PBX3: variants seen among roughly 807,000 people sequenced by gnomAD.
PBX3 encodes the protein PBX homeobox 3.
In PBX3, 14 loss-of-function variants were observed where a neutral mutation model predicts 48.5. The observed-to-expected ratio is 0.29, with a 90% CI of 0.19 to 0.45. The LOEUF (loss-of-function observed/expected upper bound fraction) is 0.45. Among genes scored for constraint, PBX3 ranks in the 20% least tolerant of loss-of-function variants. The pLI is 1.00. For synonymous variants in PBX3, 210 were observed against 200.3 expected (o/e 1.05, Z -0.41); for missense variants, 386 against 546.7 (o/e 0.71, Z 2.93).
chr9:125,948,502 T>C (rs1015879366), intron 5 of PBX3, among the ~76,000 whole-genome samples: 5 of 152,026 alleles, frequency 3.3e-5, no homozygotes. Flanking sequence ...ATATAACCCT[T>C]GGGTTAATGA....
intron 2 of PBX3, among the ~76,000 whole-genome samples, chr9:125,807,900 C>T (rs1838173976): frequency 6.6e-6 from 1 of 152,146 alleles, no homozygotes; most frequent in Non-Finnish European, 1.5e-5. Context: ...TAAATCAATA[C>T]ATTTTAACTC....
chr9:125,748,158 C>A, intron 1 of PBX3: 2 of 828,126 alleles, frequency 2.4e-6, no homozygotes, highest in Non-Finnish European at 2.9e-6. Context: ...GCAAACTTTG[C>A]CGAGCTGTCA....
chr9:125,964,526 T>A lies in PBX3; in HGVS notation c.1213-1305T>A, dbSNP rs527872388. Among the ~76,000 whole-genome samples, 129 of 151,652 alleles carry A rather than the reference T, an allele frequency of 8.5e-4. 5 individuals are homozygous for A. In the South Asian group the frequency reaches 0.026, roughly 30 times the overall value. On this transcript the variant is annotated intron_variant, in intron 8 of 8. Coordinates refer to ENST00000373489, the MANE Select transcript of PBX3 (RefSeq NM_006195.6). ...TACCACCATAGCTTTTTTTTTTTTT[T>A]AAATACTGTTTCCTTTTGTTTTTCC...
intron 4 of PBX3, among the ~76,000 whole-genome samples, chr9:125,930,754 T>C (rs1186610239): frequency 6.6e-6 from 1 of 152,222 alleles, no homozygotes; most frequent in Non-Finnish European, 1.5e-5. Flanking sequence ...GCTAGCACAG[T>C]ACCTACTAGT....
intron 5 of PBX3, among the ~76,000 whole-genome samples, chr9:125,951,458 G>A (rs1459425241): frequency 6.6e-6 from 1 of 152,140 alleles, no homozygotes; most frequent in Non-Finnish European, 1.5e-5. Context: ...GGATCAGCTT[G>A]CCCAGAACTT....
chr9:125,889,342 C>T (rs1461306329), intron 2 of PBX3, among the ~76,000 whole-genome samples: 2 of 152,250 alleles, frequency 1.3e-5, no homozygotes, highest in African/African-American at 2.4e-5. Context: ...AGCCACGGCT[C>T]GCTTGGCAGT....
intron 2 of PBX3, among the ~76,000 whole-genome samples, chr9:125,896,348 C>G (rs907299061): frequency 6.6e-5 from 10 of 151,962 alleles, no homozygotes; most frequent in African/African-American, 9.7e-5. Context: ...TTCAAAAAAA[C>G]TGCCATATTT....
intron 2 of PBX3, among the ~76,000 whole-genome samples, chr9:125,792,867 T>A (rs1038699352): frequency 9.9e-5 from 15 of 151,380 alleles, no homozygotes; most frequent in African/African-American, 3.4e-4. Context: ...CCCGGCTAAT[T>A]TTTGTATTTT....
chr9:125,895,761 C>T (rs545243197), intron 2 of PBX3, among the ~76,000 whole-genome samples: 36 of 152,018 alleles, frequency 2.4e-4, no homozygotes, highest in South Asian at 2.1e-4. Flanking sequence ...TAAGAAGGTA[C>T]GCAAATAATA....
intron 2 of PBX3, among the ~76,000 whole-genome samples, chr9:125,892,714 G>A (rs1402395883): frequency 2.0e-5 from 3 of 152,194 alleles, no homozygotes; most frequent in East Asian, 3.8e-4. Flanking sequence ...ACTGCCTGAA[G>A]TCCTCTTTAA....
chr9:125,787,317 C>CT (rs900216533), intron 2 of PBX3, among the ~76,000 whole-genome samples: 148 of 147,460 alleles, frequency 1.0e-3, no homozygotes, highest in Non-Finnish European at 1.4e-3. Flanking sequence ...CATGGATTAA[C>CT]TTTTTTTTTT....
chr9:125,854,128 G>GTTTTGT (rs956738944), intron 2 of PBX3, among the ~76,000 whole-genome samples: 3 of 151,958 alleles, frequency 2.0e-5, no homozygotes, highest in African/African-American at 4.8e-5. Flanking sequence ...ATTAATTTTT[G>GTTTTGT]TTTTGTTTTT....
chr9:125,796,460 T>G lies in PBX3; in HGVS notation c.274+47837T>G, dbSNP rs533233264. 2.6e-5 allele frequency among the ~76,000 whole-genome samples: 4 copies of G among 152,188 alleles called. No individual in the cohort carries two copies. In the South Asian group the frequency reaches 8.3e-4, roughly 32 times the overall value. ...GATATGACAAGCCTTTAAAGTTGAGTGGAAATTTTCTGTGGGGCGGGCTGT... is the reference window on the plus strand; with the variant it reads ...GATATGACAAGCCTTTAAAGTTGAGGGGAAATTTTCTGTGGGGCGGGCTGT... On this transcript the variant is annotated intron_variant, in intron 2 of 8. Transcript: ENST00000373489.
At chr9:125,814,354 G>T (rs1185949037) in intron 2 of PBX3, among the ~76,000 whole-genome samples, 1 of 150,392 alleles carries the variant, frequency 6.6e-6, no homozygotes, top group African/African-American at 2.4e-5. Context: ...TTTTTTTTTG[G>T]AATGGTACAA....
chr9:125,767,830 G>T (rs151236964), intron 2 of PBX3, among the ~76,000 whole-genome samples: 1 of 152,228 alleles, frequency 6.6e-6, no homozygotes, highest in South Asian at 2.1e-4. Flanking sequence ...ACCACCAGTC[G>T]TTTCTGAGTG....
intron 2 of PBX3, among the ~76,000 whole-genome samples, chr9:125,840,176 C>T (rs1342162510): frequency 6.6e-6 from 1 of 151,920 alleles, no homozygotes; most frequent in Non-Finnish European, 1.5e-5. Context: ...GATATTTAAA[C>T]TGTTTTCCAG....
intron 2 of PBX3, among the ~76,000 whole-genome samples, chr9:125,883,287 C>CTT (rs1247072761): frequency 2.0e-5 from 3 of 152,188 alleles, no homozygotes; most frequent in Non-Finnish European, 4.4e-5. Flanking sequence ...ATCAGAAATA[C>CTT]TTAAACAGTT....
intron 2 of PBX3, among the ~76,000 whole-genome samples, chr9:125,906,938 G>A (rs755954531): frequency 7.9e-5 from 12 of 152,030 alleles, no homozygotes; most frequent in Non-Finnish European, 1.8e-4. Context: ...GCAGGAAGAA[G>A]AGTCCTTATT....
chr9:125,882,838 C>T lies in PBX3; in HGVS notation c.275-32848C>T, dbSNP rs189639335. On this transcript the variant is annotated intron_variant, in intron 2 of 8. Coordinates refer to ENST00000373489, the MANE Select transcript of PBX3 (RefSeq NM_006195.6). The stretch of plus-strand genomic sequence containing the variant: ...GGTTTTAAACTGAAATTATTTTAGT[C>T]GCTATATACCCCCCGTTTCAAATAC... Among the ~76,000 whole-genome samples, 32 of 152,180 alleles carry T rather than the reference C, an allele frequency of 2.1e-4. 1 individual carries two copies. Among genetic ancestry groups the T allele is most frequent in the Admixed American group, 1.6e-3 (24 of 15,286 alleles).
Sources: gnomAD v4.1 joint callset for allele counts (sites outside exome capture counted in the v4.1 genomes callset) on GRCh38, gnomAD v4.1.1 for gene constraint, MANE v1.5 for transcripts, NCBI Gene and HGNC (gene_info 2026-07-23, HGNC 2026-07-21) for gene names.